ZBED4: variants seen among roughly 807,000 people sequenced by gnomAD.
ZBED4 encodes the protein zinc finger BED domain-containing protein 4.
In ZBED4, 4 loss-of-function variants were observed where a neutral mutation model predicts 15.5. That is an observed-to-expected ratio of 0.26 (90% CI 0.13 to 0.59). The LOEUF (loss-of-function observed/expected upper bound fraction) is 0.59, where lower values mean the gene tolerates loss of function less well. Ranked by LOEUF, ZBED4 falls within the 20% of genes least tolerant of loss-of-function variation. The pLI is 0.90. For missense variants in ZBED4, 1,323 were observed against 1,461.8 expected (o/e 0.91, Z 1.55); for synonymous variants, 692 against 608.5 (o/e 1.14, Z -2.02).
At chr22:49,871,370 C>T (rs1419832964) in intron 1 of ZBED4, among the ~76,000 whole-genome samples, 1 of 152,012 alleles carries the variant, frequency 6.6e-6, no homozygotes, top group African/African-American at 2.4e-5. Flanking sequence ...CCTGTAATCT[C>T]AGCTACTCAG....
chr22:49,865,453 C>G (rs573425874), intron 1 of ZBED4, among the ~76,000 whole-genome samples: 2 of 151,408 alleles, frequency 1.3e-5, no homozygotes, highest in East Asian at 3.9e-4. Context: ...GTTCGAGACC[C>G]GCCTGGCCAA....
chr22:49,867,467 T>C (rs1311333335), intron 1 of ZBED4, among the ~76,000 whole-genome samples: 1 of 152,256 alleles, frequency 6.6e-6, no homozygotes, highest in African/African-American at 2.4e-5. Context: ...ACTTTCTGTC[T>C]AGTTCTGGGT....
At chr22:49,856,467 G>A (rs1407632582) in intron 1 of ZBED4, among the ~76,000 whole-genome samples, 2 of 152,228 alleles carry the variant, frequency 1.3e-5, no homozygotes, top group African/African-American at 4.8e-5. Flanking sequence ...GGGCGATGGC[G>A]GAAGCCCCAG....
rs1555922729 is a variant in ZBED4, at chr22:49,864,839, A to AAAAAAAAAAAG, written c.-330+10850_-330+10851insAAAAAAAAAAG. 7.5e-5 allele frequency among the ~76,000 whole-genome samples: 10 copies of AAAAAAAAAAAG among 133,110 alleles called. 4 individuals are homozygous for AAAAAAAAAAAG. The highest frequency in any genetic ancestry group is 3.3e-4 in the African/African-American group (9 of 27,324). 87.3% of individuals were successfully genotyped at this position (133,110 alleles called of 152,430 possible). The stretch of plus-strand genomic sequence containing the variant: ...TGTCTCCAAAAAAAAAAAAAAAAAA[A>AAAAAAAAAAAG]GCCCTGATTAAACCGTCGTAGAGCT... On this transcript the variant is annotated intron_variant, in intron 1 of 1. Coordinates refer to ENST00000216268, the MANE Select transcript of ZBED4 (RefSeq NM_014838.3).
intron 1 of ZBED4, among the ~76,000 whole-genome samples, chr22:49,873,414 A>C (rs1225056628): frequency 3.9e-5 from 6 of 152,202 alleles, no homozygotes; most frequent in Non-Finnish European, 7.3e-5. Context: ...TTATCAGTTA[A>C]GTTCACTGTC....
chr22:49,869,433 G>C (rs2060336671), intron 1 of ZBED4, among the ~76,000 whole-genome samples: 1 of 152,214 alleles, frequency 6.6e-6, no homozygotes, highest in South Asian at 2.1e-4. Flanking sequence ...GAACACTCTT[G>C]CGTGGACTTT....
intron 1 of ZBED4, among the ~76,000 whole-genome samples, chr22:49,855,592 G>A (rs1206393764): frequency 6.6e-6 from 1 of 152,224 alleles, no homozygotes; most frequent in African/African-American, 2.4e-5. Context: ...GTGTGTGTGT[G>A]TGTGTGTCTC....
At chr22:49,877,854 C>T (rs753970215) in intron 1 of ZBED4, among the ~76,000 whole-genome samples, 16 of 152,126 alleles carry the variant, frequency 1.1e-4, no homozygotes, top group Admixed American at 3.3e-4. Flanking sequence ...TTTGGCCTCC[C>T]GCACTCTGCA....
At chr22:49,856,457 G>A (rs1425641510) in intron 1 of ZBED4, among the ~76,000 whole-genome samples, 1 of 152,228 alleles carries the variant, frequency 6.6e-6, no homozygotes, top group East Asian at 1.9e-4. Context: ...AAGGGTCTGG[G>A]GGCGATGGCG....
intron 1 of ZBED4, among the ~76,000 whole-genome samples, chr22:49,864,875 G>T (rs536840878): frequency 7.4e-6 from 1 of 135,490 alleles, no homozygotes; most frequent in Non-Finnish European, 1.5e-5. Flanking sequence ...GAAAGATTGC[G>T]AGTCAAACCA....
intron 1 of ZBED4, among the ~76,000 whole-genome samples, chr22:49,870,991 A>G (rs529290502): frequency 5.4e-5 from 8 of 148,016 alleles, no homozygotes; most frequent in Admixed American, 1.3e-4. Context: ...CCCAGGCTGG[A>G]GTGCAGTGGT....
At chr22:49,872,238 T>C (rs1408016578) in intron 1 of ZBED4, among the ~76,000 whole-genome samples, 3 of 152,188 alleles carry the variant, frequency 2.0e-5, no homozygotes, top group African/African-American at 7.2e-5. Context: ...TTAACAGTGT[T>C]CATAGCATCT....
intron 1 of ZBED4, among the ~76,000 whole-genome samples, chr22:49,860,779 C>CTT (rs560679145): frequency 9.4e-5 from 13 of 137,572 alleles, no homozygotes; most frequent in East Asian, 2.1e-4. Flanking sequence ...TCTAAGCAAC[C>CTT]TTTTTTTTTT....
In ZBED4 at chr22:49,884,703, C is replaced by T; in HGVS notation, c.1041C>T (p.Gly347=). 2 of 1,596,640 alleles carry T rather than the reference C, an allele frequency of 1.3e-6. No individual in the cohort carries two copies. Among genetic ancestry groups the T allele is most frequent in the Non-Finnish European group, 1.7e-6 (2 of 1,170,780 alleles). ...TGTTGCAGGAGAACGGGGGCACGGG[C>T]ATCCCGCCACTGTACTCCACCCCTC... is the stretch of plus-strand genomic sequence containing the variant. ...AIVLQENGGT[G]IPPLYSTPPT... is the part of the protein sequence containing the mutation. The change falls in exon 2 of 2, where the codon GGC becomes GGT. Residue 347 remains glycine (G), a synonymous_variant. Transcript: ENST00000216268.
intron 1 of ZBED4, among the ~76,000 whole-genome samples, chr22:49,882,330 G>A (rs1287714299): frequency 1.3e-5 from 2 of 152,172 alleles, no homozygotes; most frequent in Non-Finnish European, 2.9e-5. Flanking sequence ...GTCGGGAGGA[G>A]GGCTCACACC....
In ZBED4 at chr22:49,884,727, T is replaced by A; in HGVS notation, c.1065T>A (p.Pro355=). The change falls in exon 2 of 2, where the codon CCT becomes CCA. Residue 355 remains proline (P), a synonymous_variant. Coordinates refer to ENST00000216268, the MANE Select transcript of ZBED4 (RefSeq NM_014838.3). ...GCATCCCGCCACTGTACTCCACCCC[T>A]CCCACTCTGCTGCCTTCCTTGCTGC... ...GTGIPPLYST[P]PTLLPSLLPP... The A allele has an allele frequency of 6.3e-7, 1 of 1,594,038 alleles. No homozygotes were observed. Among genetic ancestry groups the A allele is most frequent in the South Asian group, 1.1e-5 (1 of 88,116 alleles).
chr22:49,860,216 T>C (rs2060290897), intron 1 of ZBED4, among the ~76,000 whole-genome samples: 1 of 152,278 alleles, frequency 6.6e-6, no homozygotes, highest in African/African-American at 2.4e-5. Context: ...GGAGGATCAC[T>C]TGAGCCTGGG....
At chr22:49,855,499 G>T (rs374593636) in intron 1 of ZBED4, among the ~76,000 whole-genome samples, 2 of 152,178 alleles carry the variant, frequency 1.3e-5, no homozygotes, top group African/African-American at 4.8e-5. Context: ...ACACCTTGCA[G>T]AAAGACTAAA....
intron 1 of ZBED4, among the ~76,000 whole-genome samples, chr22:49,861,365 C>G (rs1020684903): frequency 6.6e-6 from 1 of 152,142 alleles, no homozygotes; most frequent in African/African-American, 2.4e-5. Flanking sequence ...TGGCCTCAAA[C>G]TCTTGGCTGC....
Sources: gnomAD v4.1 joint callset for allele counts (sites outside exome capture counted in the v4.1 genomes callset) on GRCh38, gnomAD v4.1.1 for gene constraint, MANE v1.5 for transcripts, NCBI Gene and HGNC (gene_info 2026-07-23, HGNC 2026-07-21) for gene names.